Variants in STK31 observed in about 807,000 individuals in gnomAD.
The protein encoded by STK31 is serine/threonine-protein kinase 31.
Under a neutral mutation model 129.7 loss-of-function variants are expected in STK31, and 89 were observed. The observed-to-expected ratio is 0.69, with a 90% confidence interval of 0.58 to 0.82. STK31 has a LOEUF of 0.82. STK31 is among the 40% of genes least tolerant of loss of function. The pLI is 0.00. For missense variants in STK31, 1,187 were observed against 1,176.4 expected, an observed-to-expected ratio of 1.01 and a Z score of -0.13; for synonymous variants, 448 against 395.3, an observed-to-expected ratio of 1.13 and a Z score of -1.58.
rs74330472 is a variant in STK31 at position 23,714,885 on chromosome 7, C to G, written c.151-2596C>G. ...TTCTGCCAACATAGTGCAAAGCAGC[C>G]ATAGACATAATGTGAATGAGTGTGT... On this transcript the variant is annotated intron_variant, in intron 3 of 23. Transcript: ENST00000355870. Among the ~76,000 whole-genome samples, 615 of 152,212 alleles carry G rather than the reference C, an allele frequency of 4.0e-3. 2 individuals are homozygous for G. The highest frequency in any genetic ancestry group is 4.0e-3 in the Non-Finnish European group (269 of 68,018).
chr7:23,810,002 C>G (rs191339108), intron 22 of STK31, among the ~76,000 whole-genome samples: 1 of 152,176 alleles, frequency 6.6e-6, no homozygotes, highest in Non-Finnish European at 1.5e-5. Flanking sequence ...TTGTCAGTTA[C>G]TGAGAGTTGA....
intron 8 of STK31, among the ~76,000 whole-genome samples, chr7:23,749,884 T>C (rs1788593946): frequency 6.6e-6 from 1 of 152,014 alleles, no homozygotes; most frequent in Admixed American, 6.6e-5. Flanking sequence ...TAGGATGGAA[T>C]TGGGTATTTA....
intron 4 of STK31, among the ~76,000 whole-genome samples, chr7:23,725,199 T>C (rs889812113): frequency 2.6e-5 from 4 of 152,096 alleles, no homozygotes; most frequent in Non-Finnish European, 5.9e-5. Flanking sequence ...GGACCACTTT[T>C]ATTCCCCTTA....
chr7:23,711,994 C>A, intron 1 of STK31, 105 bp from the exon 2 acceptor site: 1 of 940,934 alleles, frequency 1.1e-6, no homozygotes, highest in Non-Finnish European at 1.6e-6. Context: ...ATTTTGATAA[C>A]TGCATTTAGG....
intron 22 of STK31, among the ~76,000 whole-genome samples, chr7:23,809,367 T>A (rs997465520): frequency 1.3e-5 from 2 of 152,140 alleles, no homozygotes; most frequent in African/African-American, 4.8e-5. Flanking sequence ...TCATCAATTC[T>A]CCACTTAAAT....
At chr7:23,728,679 A>G (rs1391928070) in intron 5 of STK31, among the ~76,000 whole-genome samples, 3 of 152,188 alleles carry the variant, frequency 2.0e-5, no homozygotes, top group Non-Finnish European at 4.4e-5. Flanking sequence ...AATTGTGTCA[A>G]AGGAAGTTTG....
chr7:23,786,937 C>T lies in STK31; in HGVS notation c.2487+13C>T. On this transcript the variant is annotated intron_variant, in intron 20 of 23. Coordinates refer to ENST00000355870, the MANE Select transcript of STK31 (RefSeq NM_031414.5). ...TTTAAATTCAGAAGTAAGTAAAAAG[C>T]ACTATTTATTTCCATGGATGTATTA... is the stretch of plus-strand genomic sequence containing the variant. 6.2e-7 allele frequency: 1 copy of T among 1,608,568 alleles called. No individual in the cohort carries two copies. Among genetic ancestry groups the T allele is most frequent in the Non-Finnish European group, 8.5e-7 (1 of 1,175,604 alleles).
At position 23,788,215 on chromosome 7, in the gene STK31, CTTTA is replaced by C; in HGVS notation, c.2637+89_2637+92del. ...TTCAGCACTTATATATAATATAATA[CTTTA>C]TTATAGGATCTTTGTCTTCAGTTAA... On this transcript the variant is annotated intron_variant, in intron 21 of 23. Coordinates refer to ENST00000355870, the MANE Select transcript of STK31 (RefSeq NM_031414.5). 5 of 1,113,464 alleles carry C rather than the reference CTTTA, an allele frequency of 4.5e-6. No homozygotes were observed. In the South Asian group the frequency reaches 8.2e-5, roughly 18 times the overall value. The allele number at this position is 1,113,464 out of a possible 1,614,324, so 69.0% of individuals were successfully genotyped here.
chr7:23,752,371 A>G (rs1433449077), intron 8 of STK31, among the ~76,000 whole-genome samples: 2 of 146,388 alleles, frequency 1.4e-5, no homozygotes, highest in Non-Finnish European at 3.0e-5. Context: ...TTTTTTTGAG[A>G]CAGAGTCTGG....
At chr7:23,763,345 A>C (rs1789594281) in intron 11 of STK31, among the ~76,000 whole-genome samples, 1 of 152,174 alleles carries the variant, frequency 6.6e-6, no homozygotes, top group Non-Finnish European at 1.5e-5. Flanking sequence ...ATCAGAGGCT[A>C]GAGTACTGTA....
chr7:23,770,114 A>G (rs1397282654), intron 13 of STK31, among the ~76,000 whole-genome samples: 1 of 152,182 alleles, frequency 6.6e-6, no homozygotes, highest in Admixed American at 6.6e-5. Context: ...GTTTGTGAAA[A>G]CTTAAAATCT....
intron 22 of STK31, among the ~76,000 whole-genome samples, chr7:23,796,459 G>T (rs1791960632): frequency 6.6e-6 from 1 of 151,868 alleles, no homozygotes; most frequent in Non-Finnish European, 1.5e-5. Flanking sequence ...AAAGCTCCAT[G>T]AGTAAATATA....
At chr7:23,771,236 G>C in intron 14 of STK31, 112 bp downstream of exon 14, 1 of 944,184 alleles carries the variant, frequency 1.1e-6, no homozygotes, top group Non-Finnish European at 1.5e-6. Flanking sequence ...GTTATTACTA[G>C]AATTCACTGT....
intron 4 of STK31, chr7:23,722,771 C>G: frequency 6.6e-6 from 1 of 152,338 alleles, no homozygotes; most frequent in East Asian, 2.0e-4. Flanking sequence ...TTTACCTACT[C>G]AAGCCTCAGC....
intron 10 of STK31, among the ~76,000 whole-genome samples, chr7:23,757,844 C>G (rs948516351): frequency 2.0e-5 from 3 of 152,216 alleles, no homozygotes; most frequent in Non-Finnish European, 4.4e-5. Flanking sequence ...AAACCTTGGA[C>G]AAGACCTGGC....
rs66962254 is a variant in STK31, at chr7:23,782,471, CAAA to C, written c.2067+970_2067+972del. ...TGGGCAACAGAGCAAGACCCTGTCT[CAAA>C]AAAAAAAAAAAAAAAAAAGAAAAGA... On this transcript the variant is annotated intron_variant, in intron 16 of 23. Transcript: ENST00000355870. Among the ~76,000 whole-genome samples the C allele has an allele frequency of 4.7e-3, 396 of 84,538 alleles. 2 individuals carry two copies. The highest frequency in any genetic ancestry group is 0.016 in the African/African-American group (356 of 22,962). 55.5% of individuals were successfully genotyped at this position (84,538 alleles called of 152,430 possible).
intron 15 of STK31, among the ~76,000 whole-genome samples, chr7:23,778,949 G>GT (rs1790734050): frequency 6.6e-6 from 1 of 152,030 alleles, no homozygotes; most frequent in Non-Finnish European, 1.5e-5. Context: ...TTTTGTGCTG[G>GT]TTTTTTCTCA....
intron 17 of STK31, among the ~76,000 whole-genome samples, chr7:23,784,534 T>G (rs1008108069): frequency 2.0e-5 from 3 of 152,334 alleles, no homozygotes; most frequent in African/African-American, 7.2e-5. Flanking sequence ...AAAAATATGC[T>G]AATCTACTTT....
chr7:23,720,362 G>A (rs1584323424), intron 4 of STK31, among the ~76,000 whole-genome samples: 2 of 152,232 alleles, frequency 1.3e-5, no homozygotes, highest in East Asian at 1.9e-4. Flanking sequence ...TGGAAGTTCC[G>A]TTTGCTAAAG....
Sources: allele counts gnomAD v4.1 joint callset (sites outside exome capture counted in the v4.1 genomes callset), GRCh38; gene constraint gnomAD v4.1.1; transcripts MANE v1.5; gene names NCBI Gene and HGNC (gene_info 2026-07-23, HGNC 2026-07-21).